Variants in NME6 observed in about 807,000 individuals in gnomAD.
NME6 encodes the protein nucleoside diphosphate kinase 6, mitochondrial.
Under a neutral mutation model 22.2 loss-of-function variants are expected in NME6, and 16 were observed. The observed-to-expected ratio is 0.72, with a 90% CI of 0.49 to 1.09. NME6 has a LOEUF of 1.09. Among genes scored for constraint, NME6 ranks in the 50% least tolerant of loss-of-function variants. The pLI is 0.00. For synonymous variants in NME6, 58 were observed against 85.2 expected, an observed-to-expected ratio of 0.68 and a Z score of 1.76; for missense variants, 229 against 239.0, an observed-to-expected ratio of 0.96 and a Z score of 0.28.
Position 48,294,373 on chromosome 3 carries a change from G to C in NME6, c.*264C>G, listed in dbSNP as rs2034829418. ...AGGCGTGAGCCACCGTGCCCGGCCT[G>C]GCAAGCTTCTTCTTGAAGAAGGATG... On this transcript the variant is annotated 3_prime_UTR_variant, in exon 6 of 6. Transcript: ENST00000442597. The C allele has an allele frequency of 2.3e-5, 8 of 355,080 alleles. No homozygotes were observed. Among genetic ancestry groups the C allele is most frequent in the Non-Finnish European group, 4.2e-5 (8 of 189,280 alleles). 22.0% of individuals were successfully genotyped at this position (355,080 alleles called of 1,614,324 possible).
intron 2 of NME6, chr3:48,298,131 T>C (rs1270472799): frequency 5.0e-6 from 2 of 397,746 alleles, no homozygotes; most frequent in East Asian, 1.2e-4. Flanking sequence ...AACAAATAAG[T>C]GTTGTTTTAA....
chr3:48,300,380 G>A (rs1421892181), intron 1 of NME6: 1 of 456,220 alleles, frequency 2.2e-6, no homozygotes, highest in South Asian at 1.5e-5. Flanking sequence ...GCCTTTGTGT[G>A]AGTAGTTTTC....
At chr3:48,289,958 C>A (rs545719591), downstream of NME6, among the ~76,000 whole-genome samples, 8 of 152,136 alleles carry the variant, frequency 5.3e-5, no homozygotes, top group African/African-American at 1.7e-4. Flanking sequence ...AGACAAAATG[C>A]AAAGGAGTAT....
At chr3:48,291,639 C>T (rs980926552), downstream of NME6, 1 of 155,614 alleles carries the variant, frequency 6.4e-6, no homozygotes, top group Non-Finnish European at 1.4e-5. Context: ...CCCCCCTCAG[C>T]CTCCCAAAGT....
chr3:48,288,278 G>A (rs958346746), downstream of NME6, among the ~76,000 whole-genome samples: 3 of 151,768 alleles, frequency 2.0e-5, no homozygotes, highest in Non-Finnish European at 4.4e-5. Flanking sequence ...CTACTTGGGA[G>A]GCTCAGGTGG....
At chr3:48,296,388 G>A (rs563371265) in intron 3 of NME6, among the ~76,000 whole-genome samples, 3 of 152,208 alleles carry the variant, frequency 2.0e-5, no homozygotes, top group East Asian at 1.9e-4. Context: ...GCGTACGAGG[G>A]ATATAACAAC....
chr3:48,298,128 A>G (rs2541), intron 2 of NME6: 99,627 of 392,980 alleles, frequency 0.25, 14,382 homozygotes, highest in South Asian at 0.32. Context: ...AATAACAAAT[A>G]AGTGTTGTTT....
downstream of NME6, among the ~76,000 whole-genome samples, chr3:48,289,548 G>C (rs2034319187): frequency 6.6e-6 from 1 of 152,104 alleles, no homozygotes; most frequent in Non-Finnish European, 1.5e-5. Context: ...TTTCAGACAT[G>C]GGTGCAAGAC....
rs376091048 is a variant in NME6, at chr3:48,301,359, C to T, written c.-14G>A. ...AGTCCGGCTGCGGGTTCACCTTGTC[C>T]TCCGGCACAGGGCCCGGCCACCAGG... is the stretch of plus-strand genomic sequence containing the variant. On this transcript the variant is annotated 5_prime_UTR_variant, in exon 1 of 6. Transcript: ENST00000442597. 229 of 1,561,436 alleles carry T rather than the reference C, an allele frequency of 1.5e-4. No individual in the cohort carries two copies. The African/African-American group carries it at 2.5e-3, about 17-fold the overall frequency.
intron 4 of NME6, 156 bp downstream of exon 4, chr3:48,295,963 C>T (rs1329616068): frequency 1.4e-5 from 9 of 657,556 alleles, no homozygotes; most frequent in Non-Finnish European, 1.9e-5. Flanking sequence ...GTGATCCACC[C>T]GCCTCAGCCT....
At chr3:48,295,537 C>T in intron 4 of NME6, 1 of 353,514 alleles carries the variant, frequency 2.8e-6, no homozygotes, top group Non-Finnish European at 5.1e-6. Context: ...TCAGATTTGA[C>T]ATTGTTTACA....
intron 1 of NME6, chr3:48,300,478 G>T: frequency 2.6e-6 from 1 of 390,174 alleles, no homozygotes; most frequent in Non-Finnish European, 5.0e-6. Context: ...ACAGCTCCTT[G>T]CAAGTTCCCT....
At chr3:48,298,274 T>A (rs1250783005) in intron 2 of NME6, 153 bp downstream of exon 2, 1 of 697,576 alleles carries the variant, frequency 1.4e-6, no homozygotes, top group East Asian at 2.7e-5. Context: ...CAATGGATTC[T>A]TAGTCTCCTT....
At chr3:48,301,285 C>T (rs2035679347) in intron 1 of NME6, 68 bp downstream of exon 1, 2 of 1,598,574 alleles carry the variant, frequency 1.3e-6, no homozygotes, top group East Asian at 2.3e-5. Flanking sequence ...GTACCCGGGG[C>T]CTAAGCCCAC....
rs908806126 is a variant in NME6, at chr3:48,298,471, C to A, written c.46G>T (p.Ala16Ser). The A allele has an allele frequency of 1.2e-6, 2 of 1,613,196 alleles. No homozygotes were observed. The highest frequency in any genetic ancestry group is 1.7e-4 in the Middle Eastern group (1 of 6,050). The change falls in exon 2 of 6, where the codon GCC becomes TCC. Residue 16 changes from alanine (A) to serine (S), a missense_variant. Physicochemically the swap from Ala to Ser is moderately conservative, Grantham distance 99. Coordinates refer to ENST00000442597, the MANE Select transcript of NME6 (RefSeq NM_001308426.2). The stretch of plus-strand genomic sequence containing the variant: ...GCGACTGCGTCAGGCTTGATCAGGG[C>A]TAGAGTGAGCTGGAGAGCCTGAGGG... ...RSPQALQLTL[A>S]LIKPDAVAHP...
chr3:48,300,714 G>A (rs2035603013), intron 1 of NME6: 1 of 210,932 alleles, frequency 4.7e-6, no homozygotes. Context: ...AAACTGACAA[G>A]TCGAGAATCC....
chr3:48,295,310 T>A, intron 4 of NME6, 75 bp from the exon 5 acceptor site: 1 of 1,461,554 alleles, frequency 6.8e-7, no homozygotes, highest in East Asian at 2.4e-5. Flanking sequence ...AGGGCCTGAA[T>A]AAAAACACAC....
chr3:48,291,755 A>C (rs946624877), downstream of NME6: 1 of 152,306 alleles, frequency 6.6e-6, no homozygotes, highest in Non-Finnish European at 1.5e-5. Context: ...TATAGGCAAT[A>C]GTTTGTTTTG....
At chr3:48,299,555 A>C (rs766320997) in intron 1 of NME6, among the ~76,000 whole-genome samples, 1 of 150,140 alleles carries the variant, frequency 6.7e-6, no homozygotes, top group Non-Finnish European at 1.5e-5. Context: ...ACTCTACTAC[A>C]TATGTGTGTA....
Sources: gnomAD v4.1 joint callset for allele counts (sites outside exome capture counted in the v4.1 genomes callset) on GRCh38, gnomAD v4.1.1 for gene constraint, MANE v1.5 for transcripts, NCBI Gene and HGNC (gene_info 2026-07-23, HGNC 2026-07-21) for gene names.